The following ENTPD1 variants were observed in gnomAD, a reference collection of about 807,000 sequenced individuals.
ENTPD1 encodes ATP diphosphohydrolase.
Under a neutral mutation model 57.0 loss-of-function variants are expected in ENTPD1, and 33 were observed. That is an observed-to-expected ratio of 0.58 (90% CI 0.44 to 0.77). ENTPD1 has a LOEUF of 0.77. Among genes scored for constraint, ENTPD1 ranks in the 30% least tolerant of loss-of-function variants. The pLI, the probability that ENTPD1 is intolerant of heterozygous loss-of-function variation, is 0.00. For synonymous variants in ENTPD1, 202 were observed against 218.8 expected (o/e 0.92, Z 0.68); for missense variants, 501 against 603.4 (o/e 0.83, Z 1.78).
chr10:95,809,397 C>T (rs1211340119), intron 1 of ENTPD1, among the ~76,000 whole-genome samples: 2 of 149,780 alleles, frequency 1.3e-5, no homozygotes, highest in Non-Finnish European at 1.5e-5. Flanking sequence ...CCCCACCCCC[C>T]AGACGGGGAG....
intron 1 of ENTPD1, among the ~76,000 whole-genome samples, chr10:95,748,120 A>G (rs980313264): frequency 5.3e-5 from 8 of 152,016 alleles, no homozygotes; most frequent in African/African-American, 1.9e-4. Context: ...TGATCCGCCC[A>G]CCTCGGCCTC....
At chr10:95,827,807 A>G (rs951880214) in intron 2 of ENTPD1, among the ~76,000 whole-genome samples, 1 of 152,154 alleles carries the variant, frequency 6.6e-6, no homozygotes, top group African/African-American at 2.4e-5. Context: ...TTAATGAGAT[A>G]TGTTACATTC....
rs186038804 is a variant in ENTPD1, at chr10:95,820,848, C to T, written c.17-2389C>T. Among the ~76,000 whole-genome samples the T allele has an allele frequency of 2.0e-5, 3 of 152,258 alleles. No homozygotes were observed. The East Asian group carries it at 5.8e-4, about 29-fold the overall frequency. ...ATTGTAAATTCCAAAGAGCAGGGGC[C>T]TTATCAGTTTTTCTTTTTTTATTGT... is the stretch of plus-strand genomic sequence containing the variant. On this transcript the variant is annotated intron_variant, in intron 1 of 9. Transcript: ENST00000371205.
At chr10:95,741,513 T>G (rs936741661) in intron 1 of ENTPD1, among the ~76,000 whole-genome samples, 1 of 152,210 alleles carries the variant, frequency 6.6e-6, no homozygotes, top group Admixed American at 6.5e-5. Flanking sequence ...AGTGAGCACA[T>G]GGTACTGCAA....
intron 1 of ENTPD1, among the ~76,000 whole-genome samples, chr10:95,722,374 A>G (rs1283139355): frequency 1.3e-5 from 2 of 151,952 alleles, no homozygotes; most frequent in African/African-American, 4.8e-5. Flanking sequence ...TACATGTGCC[A>G]TGCTGGTGTG....
Position 95,876,447 on chromosome 10 carries a change from A to AT in ENTPD1, c.*10065dup. The AT allele has an allele frequency of 1.6e-6, 2 of 1,231,372 alleles. No individual in the cohort carries two copies. Among genetic ancestry groups the AT allele is most frequent in the Non-Finnish European group, 2.0e-6 (2 of 987,796 alleles). The allele number at this position is 1,231,372 out of a possible 1,614,324, so 76.3% of individuals were successfully genotyped here. On this transcript the variant is annotated 3_prime_UTR_variant, in exon 10 of 10. Transcript: ENST00000371205. ...CGGTTCTGCAATCTATAGGCATACC[A>AT]TAATTGTAATCAATAGCTTAAAAAT...
upstream of ENTPD1, chr10:95,755,890 A>T: frequency 6.6e-7 from 1 of 1,521,456 alleles, no homozygotes; most frequent in Non-Finnish European, 8.8e-7. Context: ...GGAGAGAGAG[A>T]TGAAGAGGGA....
chr10:95,813,623 C>A (rs1326901279), intron 1 of ENTPD1, among the ~76,000 whole-genome samples: 2 of 152,092 alleles, frequency 1.3e-5, no homozygotes, highest in South Asian at 2.1e-4. Context: ...CCCCTCCCAC[C>A]CTCCATTCCA....
intron 2 of ENTPD1, 32 bp downstream of exon 2, chr10:95,823,396 A>G (rs576943385): frequency 6.2e-7 from 1 of 1,612,934 alleles, no homozygotes; most frequent in Middle Eastern, 1.7e-4. Context: ...GTTTGTGTGT[A>G]TGTAAGAGGA....
At chr10:95,793,027 C>T (rs1319994647) in intron 1 of ENTPD1, among the ~76,000 whole-genome samples, 1 of 152,162 alleles carries the variant, frequency 6.6e-6, no homozygotes, top group East Asian at 1.9e-4. Context: ...CCTTGGGATT[C>T]CTTACGTCAT....
rs1359888358 is a variant in ENTPD1, at chr10:95,870,319, C to T, written c.*3936C>T. On this transcript the variant is annotated 3_prime_UTR_variant, in exon 10 of 10. Coordinates refer to ENST00000371205, the MANE Select transcript of ENTPD1 (RefSeq NM_001776.6). ...TTTTTTTTTTGGAGCTAGTCTTGCTCTGTTGCCCAGGCTGGAATGCAGTGG... is the reference window on the plus strand; with the variant it reads ...TTTTTTTTTTGGAGCTAGTCTTGCTTTGTTGCCCAGGCTGGAATGCAGTGG... 2 of 978,518 alleles carry T rather than the reference C, an allele frequency of 2.0e-6. No individual in the cohort carries two copies. The highest frequency in any genetic ancestry group is 1.8e-5 in the African/African-American group (1 of 57,054). 60.6% of individuals were successfully genotyped at this position (978,518 alleles called of 1,614,324 possible).
chr10:95,869,800 A>G lies in ENTPD1; in HGVS notation c.*3417A>G, dbSNP rs1309998094. The G allele has an allele frequency of 5.6e-6, 4 of 712,428 alleles. No homozygotes were observed. Among genetic ancestry groups the G allele is most frequent in the Non-Finnish European group, 5.2e-6 (3 of 580,972 alleles). The allele number at this position is 712,428 out of a possible 1,614,324, so 44.1% of individuals were successfully genotyped here. On this transcript the variant is annotated 3_prime_UTR_variant, in exon 10 of 10. Transcript: ENST00000371205. Reference sequence around the variant, plus strand: ...TTCAGAAAGCAACTAAATCCAAAATACTATCAAGGAATCAATATAAAAATT... The same window carrying G: ...TTCAGAAAGCAACTAAATCCAAAATGCTATCAAGGAATCAATATAAAAATT...
At chr10:95,703,899 T>C in the ENTPD1 span, among the ~76,000 whole-genome samples, 1 of 151,414 alleles carries the variant, frequency 6.6e-6, no homozygotes, top group Non-Finnish European at 1.5e-5. Flanking sequence ...ATGACCAGCC[T>C]GGACAACATG....
At chr10:95,854,887 C>T (rs566461618) in intron 7 of ENTPD1, among the ~76,000 whole-genome samples, 13 of 151,996 alleles carry the variant, frequency 8.6e-5, no homozygotes, top group African/African-American at 2.2e-4. Flanking sequence ...TGTGGTGTGG[C>T]GCTGAAAAGA....
intron 1 of ENTPD1, among the ~76,000 whole-genome samples, chr10:95,767,992 C>T (rs531015883): frequency 6.6e-6 from 1 of 152,340 alleles, no homozygotes; most frequent in African/African-American, 2.4e-5. Flanking sequence ...CTCTTATGCT[C>T]TCTTGCCCTT....
At chr10:95,706,313 C>T in the ENTPD1 span, among the ~76,000 whole-genome samples, 1 of 152,170 alleles carries the variant, frequency 6.6e-6, no homozygotes, top group African/African-American at 2.4e-5. Context: ...AGTTCTTGTC[C>T]TGCGTCCAGG....
intron 1 of ENTPD1, among the ~76,000 whole-genome samples, chr10:95,764,718 A>ATTT (rs34082135): frequency 6.6e-4 from 68 of 103,534 alleles, no homozygotes; most frequent in Non-Finnish European, 8.7e-4. Context: ...TCCTTTGCCC[A>ATTT]TTTTTTTTTT....
At chr10:95,742,199 G>A (rs954547259) in intron 1 of ENTPD1, among the ~76,000 whole-genome samples, 2 of 152,168 alleles carry the variant, frequency 1.3e-5, no homozygotes, top group African/African-American at 4.8e-5. Flanking sequence ...TTGGAGTCTT[G>A]ATTGCTTGGC....
rs1399281920 is a variant in ENTPD1, at chr10:95,870,467, C to T, written c.*4084C>T. ...CTAGCTATTTTTTTTTCTGTAGAGA[C>T]AGGGTTTTCCTATGTTGTCCAGGCT... On this transcript the variant is annotated 3_prime_UTR_variant, in exon 10 of 10. Transcript: ENST00000371205. 1 of 769,062 alleles carries T rather than the reference C, an allele frequency of 1.3e-6. No homozygotes were observed. The highest frequency in any genetic ancestry group is 1.9e-5 in the African/African-American group (1 of 52,734). The allele number at this position is 769,062 out of a possible 1,614,324, so 47.6% of individuals were successfully genotyped here.
Sources: gnomAD v4.1 joint callset for allele counts (sites outside exome capture counted in the v4.1 genomes callset) on GRCh38, gnomAD v4.1.1 for gene constraint, MANE v1.5 for transcripts, NCBI Gene and HGNC (gene_info 2026-07-23, HGNC 2026-07-21) for gene names.